The following ABCC5 variants were observed in gnomAD, a reference collection of about 807,000 sequenced individuals.
The protein encoded by ABCC5 is ATP-binding cassette sub-family C member 5.
In ABCC5, 61 loss-of-function variants were observed where a neutral mutation model predicts 160.9. That is an observed-to-expected ratio of 0.38 (90% confidence interval 0.31 to 0.47). ABCC5 has a LOEUF of 0.47. Ranked by LOEUF, ABCC5 falls within the 20% of genes least tolerant of loss-of-function variation. The pLI, the probability that ABCC5 is intolerant of heterozygous loss-of-function variation, is 0.99. For missense variants in ABCC5, 1,308 were observed against 1,813.3 expected, an observed-to-expected ratio of 0.72 and a Z score of 5.06; for synonymous variants, 666 against 700.6, an observed-to-expected ratio of 0.95 and a Z score of 0.78.
In ABCC5 at chr3:183,982,078, G is replaced by A. The variant is rs921636049; in HGVS notation, c.1000-204C>T. 6.6e-6 allele frequency among the ~76,000 whole-genome samples: 1 copy of A among 152,002 alleles called. No homozygotes were observed. The highest frequency in any genetic ancestry group is 2.4e-5 in the African/African-American group (1 of 41,368). ...TACTGAATTCTTATCTCTTTATAAG[G>A]CAATGAAGACAAGAAAGTATTTATT... On this transcript the variant is annotated intron_variant, in intron 7 of 29. Transcript: ENST00000334444. The surrounding 1 kb of genome is among the most constrained non-coding windows in gnomAD (Gnocchi z 5.2).
intron 25 of ABCC5, among the ~76,000 whole-genome samples, chr3:183,940,462 GAAAAAAA>G (rs537025178): frequency 9.4e-4 from 61 of 64,620 alleles, no homozygotes; most frequent in African/African-American, 2.8e-3. Context: ...TCTGTCTCAG[GAAAAAAA>G]AAAAAAAAAA....
intron 28 of ABCC5, among the ~76,000 whole-genome samples, chr3:183,926,443 G>A (rs924032915): frequency 1.4e-4 from 21 of 151,722 alleles, no homozygotes; most frequent in African/African-American, 4.6e-4. Context: ...CCAGCTACTC[G>A]GGAGGCGGAG....
rs115920734 is a variant in ABCC5 at position 183,988,893 on chromosome 3, C to T, written c.288-166G>A. On this transcript the variant is annotated intron_variant, in intron 3 of 29. Coordinates refer to ENST00000334444, the MANE Select transcript of ABCC5 (RefSeq NM_005688.4). This position sits in a 1 kb window ranked among gnomAD's most constrained non-coding sequence, Gnocchi z 4.4. Reference sequence around the variant, plus strand: ...TAAAACGGCTTTGATGGGCCGGGCGCGGTGGCTCACACCTGTAATCCCAGC... The same window carrying T: ...TAAAACGGCTTTGATGGGCCGGGCGTGGTGGCTCACACCTGTAATCCCAGC... Among the ~76,000 whole-genome samples the T allele has an allele frequency of 0.01, 1,524 of 152,170 alleles. 24 individuals are homozygous for T. Among genetic ancestry groups the T allele is most frequent in the African/African-American group, 0.035 (1,434 of 41,496 alleles).
intron 26 of ABCC5, among the ~76,000 whole-genome samples, chr3:183,932,079 G>C (rs1713233109): frequency 6.6e-6 from 1 of 152,194 alleles, no homozygotes; most frequent in South Asian, 2.1e-4. Flanking sequence ...CAAAGTGTGA[G>C]ACAACACAGC....
At chr3:183,940,258 G>T (rs543503652) in intron 25 of ABCC5, among the ~76,000 whole-genome samples, 1 of 151,540 alleles carries the variant, frequency 6.6e-6, no homozygotes, top group Admixed American at 6.6e-5. Context: ...AGCACTTTGG[G>T]AGGCCAAGGT....
At chr3:183,962,896 T>C (rs1716901988) in intron 15 of ABCC5, among the ~76,000 whole-genome samples, 1 of 152,188 alleles carries the variant, frequency 6.6e-6, no homozygotes, top group Admixed American at 6.6e-5. Flanking sequence ...ACCCTTTCAC[T>C]GCACTCACAA....
intron 12 of ABCC5, among the ~76,000 whole-genome samples, chr3:183,966,277 T>C (rs1030435355): frequency 4.6e-5 from 7 of 152,202 alleles, no homozygotes; most frequent in Admixed American, 1.3e-4. Context: ...TGTACCTACG[T>C]ACACCACAAA....
At chr3:183,968,205 T>TG (rs1336071913) in intron 11 of ABCC5, among the ~76,000 whole-genome samples, 2 of 152,176 alleles carry the variant, frequency 1.3e-5, no homozygotes, top group African/African-American at 4.8e-5. Flanking sequence ...CTTGGCTCAC[T>TG]GCAGCTTCCG....
chr3:183,986,684 T>A (rs1446192262), intron 5 of ABCC5: 1 of 152,084 alleles, frequency 6.6e-6, no homozygotes, highest in Non-Finnish European at 1.5e-5. Context: ...TTCTATGAGA[T>A]CAGAGCAGCC....
intron 2 of ABCC5, among the ~76,000 whole-genome samples, chr3:184,005,095 A>G (rs1438456105): frequency 2.6e-5 from 4 of 152,134 alleles, no homozygotes; most frequent in Non-Finnish European, 1.5e-5. Flanking sequence ...AGAGGAGCCA[A>G]GTGCTGTATT....
chr3:183,990,130 A>C (rs531306225), intron 2 of ABCC5, among the ~76,000 whole-genome samples: 1 of 149,672 alleles, frequency 6.7e-6, no homozygotes, highest in South Asian at 2.1e-4. Flanking sequence ...TATTTTTGAG[A>C]TGGAGTCTCG....
chr3:183,949,853 C>T lies in ABCC5; in HGVS notation c.3127G>A (p.Asp1043Asn). ...AGGAAAGGTGACTGCGTGATATTGT[C>T]CAGACGCTTCAGCTCCCGAATCAGG... ...RVLIRELKRLDNITQSPFLSH... is the reference protein window; with the variant it reads ...RVLIRELKRLNNITQSPFLSH... The change falls in exon 22 of 30, where the codon GAC becomes AAC. Residue 1043 changes from aspartate to asparagine, a missense_variant. By Grantham distance (23) the Asp-to-Asn change is conservative (BLOSUM62 1). This residue lies in a region of ABCC5 where 1,142 missense variants were observed against 1,527.1 expected (regional missense o/e 0.75). Transcript: ENST00000334444. This position sits in a 1 kb window ranked among gnomAD's most constrained non-coding sequence, Gnocchi z 4.2. 2.5e-6 allele frequency: 4 copies of T among 1,614,184 alleles called. No homozygotes were observed. Among genetic ancestry groups the T allele is most frequent in the Non-Finnish European group, 3.4e-6 (4 of 1,180,028 alleles).
chr3:183,982,918 C>T lies in ABCC5; in HGVS notation c.681G>A (p.Leu227=). 3 of 1,614,214 alleles carry T rather than the reference C, an allele frequency of 1.9e-6. No homozygotes were observed. Among genetic ancestry groups the T allele is most frequent in the Non-Finnish European group, 2.5e-6 (3 of 1,180,038 alleles). Residue 227 remains leucine (L), a synonymous_variant, in exon 6 of 30, where the codon CTG becomes CTA. Transcript: ENST00000334444. This position sits in a 1 kb window ranked among gnomAD's most constrained non-coding sequence, Gnocchi z 5.2. ...GCGACCAAGACCGCACGATTTCCGT[C>T]AGGAGGAGGCCCAGCACTAACAACA... ...YSLLLVLGLL[L]TEIVRSWSLA... is the part of the protein sequence containing the mutation.
chr3:183,987,583 G>A lies in ABCC5; in HGVS notation c.591+187C>T, dbSNP rs1025179038. Reference sequence around the variant, plus strand: ...TCAAGCCAGTTCCATTTCTTCTCTGGCAACACTGCCCTTTCATCCTTCCAG... The same window carrying A: ...TCAAGCCAGTTCCATTTCTTCTCTGACAACACTGCCCTTTCATCCTTCCAG... On this transcript the variant is annotated intron_variant, in intron 5 of 29. Transcript: ENST00000334444. This position sits in a 1 kb window ranked among gnomAD's most constrained non-coding sequence, Gnocchi z 4.2. The A allele has an allele frequency of 2.2e-4, 163 of 736,134 alleles. 1 individual carries two copies. Among genetic ancestry groups the A allele is most frequent in the Middle Eastern group, 4.6e-4 (2 of 4,304 alleles). The allele number at this position is 736,134 out of a possible 1,614,324, so 45.6% of individuals were successfully genotyped here. A position where few individuals can be genotyped will look rare whatever the true frequency, so the allele number is the denominator to read the frequency against.
intron 10 of ABCC5, among the ~76,000 whole-genome samples, chr3:183,973,240 G>A (rs1464467642): frequency 6.6e-6 from 1 of 151,118 alleles, no homozygotes; most frequent in Middle Eastern, 3.5e-3. Context: ...ATTTTTAGTA[G>A]AGACAGGGTT....
rs148766711 is a variant in ABCC5 at position 183,935,219 on chromosome 3, C to T, written c.3854+2682G>A. Among the ~76,000 whole-genome samples the T allele has an allele frequency of 7.3e-3, 1,101 of 151,682 alleles. 12 individuals carry two copies. Among genetic ancestry groups the T allele is most frequent in the African/African-American group, 0.025 (1,025 of 41,318 alleles). On this transcript the variant is annotated intron_variant, in intron 26 of 29. Coordinates refer to ENST00000334444, the MANE Select transcript of ABCC5 (RefSeq NM_005688.4). ...TTTTTGAGATGGAGTCTCGCTCTGT[C>T]GTCCAGGCTGGAGTGCAGTGGCATG... is the stretch of plus-strand genomic sequence containing the variant.
intron 16 of ABCC5, 130 bp from the exon 17 acceptor site, chr3:183,959,965 G>A: frequency 1.6e-6 from 1 of 607,666 alleles, no homozygotes; most frequent in Non-Finnish European, 2.8e-6. Flanking sequence ...TTCTTAAAAG[G>A]GTCACCTATA....
rs558046766 is a variant in ABCC5 at position 183,957,540 on chromosome 3, C to T, written c.2482+2193G>A. ...TACATGCTTATCTGTGTGTACATCA[C>T]ATCAGTTACATGCGGATCCGTGTGT... On this transcript the variant is annotated intron_variant, in intron 17 of 29. Transcript: ENST00000334444. Among the ~76,000 whole-genome samples the T allele has an allele frequency of 1.4e-3, 210 of 151,338 alleles. 1 individual carries two copies. The highest frequency in any genetic ancestry group is 3.4e-3 in the Middle Eastern group (1 of 290).
intron 16 of ABCC5, among the ~76,000 whole-genome samples, chr3:183,960,515 G>A (rs960340209): frequency 1.3e-5 from 2 of 152,010 alleles, no homozygotes; most frequent in Non-Finnish European, 2.9e-5. Context: ...CCTCCCATTC[G>A]CCCTTAGAAC....
Sources: gnomAD v4.1 joint callset for allele counts (sites outside exome capture counted in the v4.1 genomes callset) on GRCh38, gnomAD v4.1.1 for gene constraint, gnomAD v4.1.1 regional missense constraint, Gnocchi (gnomAD v3.1) non-coding constraint, MANE v1.5 for transcripts, NCBI Gene and HGNC (gene_info 2026-07-23, HGNC 2026-07-21) for gene names.